Variants in SBF2 observed in about 807,000 individuals in gnomAD.
SBF2 encodes myotubularin-related protein 13.
A neutral mutation model predicts 225.2 loss-of-function variants in SBF2; 112 were observed. The ratio of observed to expected loss-of-function variants is 0.50; its 90% CI spans 0.43 to 0.58. The LOEUF (loss-of-function observed/expected upper bound fraction) is 0.58, where lower values mean the gene tolerates loss of function less well. SBF2 is among the 20% of genes least tolerant of loss of function. The pLI is 0.00. For synonymous variants in SBF2, 763 were observed against 773.3 expected (o/e 0.99, Z 0.22); for missense variants, 1,996 against 2,206.2 (o/e 0.90, Z 1.91).
intron 16 of SBF2, among the ~76,000 whole-genome samples, chr11:9,947,273 A>G (rs950655030): frequency 6.6e-6 from 1 of 152,222 alleles, no homozygotes; most frequent in Non-Finnish European, 1.5e-5. Flanking sequence ...AAAGATCACA[A>G]TGAGCTCAGG....
At chr11:10,079,997 C>T (rs1180777078) in intron 2 of SBF2, among the ~76,000 whole-genome samples, 1 of 147,704 alleles carries the variant, frequency 6.8e-6, no homozygotes, top group African/African-American at 2.5e-5. Flanking sequence ...CCTGTAATCC[C>T]TGCACTTTAG....
At chr11:10,015,746 C>G (rs565598258) in intron 6 of SBF2, among the ~76,000 whole-genome samples, 105 of 152,134 alleles carry the variant, frequency 6.9e-4, no homozygotes, top group African/African-American at 2.3e-3. Flanking sequence ...TATGAAGAAT[C>G]TGTATGTCAT....
At chr11:10,060,432 A>T (rs997490912) in intron 2 of SBF2, among the ~76,000 whole-genome samples, 1 of 152,242 alleles carries the variant, frequency 6.6e-6, no homozygotes, top group Non-Finnish European at 1.5e-5. Flanking sequence ...ACGGATTCAC[A>T]GCTGAATTCT....
Position 9,998,617 on chromosome 11 carries a change from T to C in SBF2, c.862-238A>G, listed in dbSNP as rs2896515. Among the ~76,000 whole-genome samples, 26,198 of 152,124 alleles carry C rather than the reference T, an allele frequency of 0.17. 2,471 individuals carry two copies. The highest frequency in any genetic ancestry group is 0.28 in the East Asian group (1,441 of 5,178). On this transcript the variant is annotated intron_variant, in intron 8 of 39. Coordinates refer to ENST00000256190, the MANE Select transcript of SBF2 (RefSeq NM_030962.4). ...TGCCAATAAAACATGAGAAGTGACA[T>C]GTGTTTTCCTGTCCTTCAAGACAGG...
chr11:9,866,649 C>T (rs1039694828), intron 17 of SBF2, among the ~76,000 whole-genome samples: 2 of 152,144 alleles, frequency 1.3e-5, no homozygotes, highest in Non-Finnish European at 2.9e-5. Flanking sequence ...TGGGGAAATG[C>T]TGCAGGACAT....
intron 2 of SBF2, among the ~76,000 whole-genome samples, chr11:10,145,111 C>A (rs1009557413): frequency 6.6e-6 from 1 of 152,154 alleles, no homozygotes; most frequent in Non-Finnish European, 1.5e-5. Flanking sequence ...TGCTTTACAA[C>A]GTCCAGGGCC....
intron 2 of SBF2, among the ~76,000 whole-genome samples, chr11:10,174,975 A>C (rs904843699): frequency 6.6e-6 from 1 of 152,032 alleles, no homozygotes; most frequent in Non-Finnish European, 1.5e-5. Flanking sequence ...AGATTTTGTC[A>C]CCACCAGGCC....
chr11:9,827,833 A>C (rs911768908), intron 28 of SBF2, among the ~76,000 whole-genome samples: 1 of 152,150 alleles, frequency 6.6e-6, no homozygotes, highest in African/African-American at 2.4e-5. Flanking sequence ...GCAAATCTGG[A>C]GTATCAGGGA....
At chr11:10,270,896 G>A (rs1225551695) in intron 1 of SBF2, among the ~76,000 whole-genome samples, 1 of 149,084 alleles carries the variant, frequency 6.7e-6, no homozygotes, top group Non-Finnish European at 1.5e-5. Context: ...TGGGGAGGCT[G>A]AGGCAGGAGA....
intron 2 of SBF2, among the ~76,000 whole-genome samples, chr11:10,069,083 T>G (rs1251052771): frequency 6.6e-6 from 1 of 152,196 alleles, no homozygotes; most frequent in Non-Finnish European, 1.5e-5. Context: ...TCAGGCATAA[T>G]TTGAATAGTA....
chr11:9,948,967 T>A (rs1015117712), intron 16 of SBF2, among the ~76,000 whole-genome samples: 1 of 152,096 alleles, frequency 6.6e-6, no homozygotes, highest in African/African-American at 2.4e-5. Flanking sequence ...TCATTTAAAC[T>A]CAATGTTTAT....
At chr11:10,108,327 T>A (rs950669735) in intron 2 of SBF2, among the ~76,000 whole-genome samples, 2 of 152,112 alleles carry the variant, frequency 1.3e-5, no homozygotes, top group African/African-American at 4.8e-5. Context: ...CTGAGCATTG[T>A]CTTCTACATA....
At chr11:10,148,239 G>A (rs1000786674) in intron 2 of SBF2, among the ~76,000 whole-genome samples, 1 of 152,098 alleles carries the variant, frequency 6.6e-6, no homozygotes, top group Admixed American at 6.5e-5. Flanking sequence ...AGTAGAGAGA[G>A]AATACTTGGT....
At chr11:10,214,977 C>G (rs887058210) in intron 1 of SBF2, among the ~76,000 whole-genome samples, 3 of 152,138 alleles carry the variant, frequency 2.0e-5, no homozygotes, top group African/African-American at 7.2e-5. Context: ...CAACTCCTAG[C>G]CCACAGAACC....
chr11:10,058,429 C>G (rs1950325944), intron 2 of SBF2, among the ~76,000 whole-genome samples: 1 of 151,996 alleles, frequency 6.6e-6, no homozygotes, highest in Non-Finnish European at 1.5e-5. Context: ...AACTTGAAGA[C>G]TGGTTCTCTC....
At chr11:10,091,498 CATAAAGAAAGTGCTCCA>C (rs1951781782) in intron 2 of SBF2, among the ~76,000 whole-genome samples, 1 of 152,098 alleles carries the variant, frequency 6.6e-6, no homozygotes, top group Non-Finnish European at 1.5e-5. Context: ...TAATTCTGTA[CATAAAGAAAGTGCTCCA>C]TAAAGACCCA....
rs1292739336 is a variant in SBF2 at position 9,988,919 on chromosome 11, AG to A, written c.1395+577del. Among the ~76,000 whole-genome samples, 7 of 152,316 alleles carry A rather than the reference AG, an allele frequency of 4.6e-5. No individual in the cohort carries two copies. In the South Asian group the frequency reaches 1.5e-3, roughly 32 times the overall value. On this transcript the variant is annotated intron_variant, in intron 13 of 39. Transcript: ENST00000256190. ...ACTACGGGGTTTCACCCAGAGGAAAAGAAGTCATTCTTCGAAAAAGATACTT... is the reference window on the plus strand; with the variant it reads ...ACTACGGGGTTTCACCCAGAGGAAAAAAGTCATTCTTCGAAAAAGATACTT...
chr11:10,252,274 TGAGA>T (rs1960427179), intron 1 of SBF2, among the ~76,000 whole-genome samples: 1 of 152,320 alleles, frequency 6.6e-6, no homozygotes, highest in Middle Eastern at 3.4e-3. Context: ...CTCTCAAAAT[TGAGA>T]AAATGACCAA....
chr11:9,983,911 C>CA (rs1178723327), intron 13 of SBF2, among the ~76,000 whole-genome samples: 2 of 152,292 alleles, frequency 1.3e-5, no homozygotes, highest in East Asian at 3.9e-4. Context: ...CTCTGTGGGA[C>CA]AAAATAATCT....
Sources: allele counts gnomAD v4.1 joint callset (sites outside exome capture counted in the v4.1 genomes callset), GRCh38; gene constraint gnomAD v4.1.1; transcripts MANE v1.5; gene names NCBI Gene and HGNC (gene_info 2026-07-23, HGNC 2026-07-21).